The following OTOGL variants were observed in gnomAD, a reference collection of about 807,000 sequenced individuals.
OTOGL encodes the protein otogelin-like protein.
Under a neutral mutation model 318.5 loss-of-function variants are expected in OTOGL, and 285 were observed. The observed-to-expected ratio is 0.89, with a 90% confidence interval of 0.81 to 0.99. OTOGL has a LOEUF of 0.99. Among genes scored for constraint, OTOGL ranks in the 50% least tolerant of loss-of-function variants. The pLI is 0.00. For synonymous variants in OTOGL, 987 were observed against 936.5 expected (o/e 1.05, Z -0.99); for missense variants, 2,899 against 2,845.6 (o/e 1.02, Z -0.43).
Position 80,323,809 on chromosome 12 carries a change from C to T in OTOGL, c.4168C>T (p.Pro1390Ser). The change falls in exon 35 of 59, where the codon CCT becomes TCT. Residue 1390 changes from proline (P) to serine (S), a missense_variant. Pro to Ser is a moderately conservative substitution (Grantham distance 74). Transcript: ENST00000547103. ...ATPCFKTCSDPEALACKFLPP... is the reference protein window; with the variant it reads ...ATPCFKTCSDSEALACKFLPP... ...ACCCTGTTTTAAAACATGTAGTGACCCTGAAGCACTAGCATGTAAATTTCT... is the reference window on the plus strand; with the variant it reads ...ACCCTGTTTTAAAACATGTAGTGACTCTGAAGCACTAGCATGTAAATTTCT... 1 of 1,612,934 alleles carries T rather than the reference C, an allele frequency of 6.2e-7. No individual in the cohort carries two copies. The highest frequency in any genetic ancestry group is 8.5e-7 in the Non-Finnish European group (1 of 1,179,032).
chr12:80,334,521 A>G (rs1319702004), intron 38 of OTOGL, among the ~76,000 whole-genome samples: 1 of 152,114 alleles, frequency 6.6e-6, no homozygotes, highest in Non-Finnish European at 1.5e-5. Flanking sequence ...TGGGTGAGAT[A>G]GTAAAGGGAG....
intron 35 of OTOGL, among the ~76,000 whole-genome samples, chr12:80,324,622 T>C (rs747485731): frequency 2.0e-5 from 3 of 152,136 alleles, no homozygotes; most frequent in African/African-American, 4.8e-5. Flanking sequence ...GAATGGGCTG[T>C]TGGAGGAGAG....
intron 28 of OTOGL, among the ~76,000 whole-genome samples, chr12:80,304,749 A>C (rs1187590781): frequency 6.6e-6 from 1 of 152,136 alleles, no homozygotes; most frequent in Non-Finnish European, 1.5e-5. Flanking sequence ...CAAGAATAGC[A>C]ATATATTTTA....
intron 11 of OTOGL, among the ~76,000 whole-genome samples, chr12:80,249,979 C>G (rs945229175): frequency 6.6e-6 from 1 of 152,012 alleles, no homozygotes; most frequent in African/African-American, 2.4e-5. Flanking sequence ...ACTCCCTGAC[C>G]CCTTGCGCTT....
At chr12:80,217,452 T>C (rs1207633670) in intron 4 of OTOGL, 146 bp from the exon 5 acceptor site, 1 of 633,344 alleles carries the variant, frequency 1.6e-6, no homozygotes, top group Non-Finnish European at 2.7e-6. Flanking sequence ...CTCATGGAGA[T>C]GATAAGCCTC....
chr12:80,166,760 A>G (rs906233730), intron 1 of OTOGL, among the ~76,000 whole-genome samples: 13 of 152,302 alleles, frequency 8.5e-5, no homozygotes, highest in Non-Finnish European at 1.5e-4. Flanking sequence ...ATAGTAGTGG[A>G]ATTCCTAATG....
intron 1 of OTOGL, among the ~76,000 whole-genome samples, chr12:80,119,035 T>C (rs1870334356): frequency 6.6e-6 from 1 of 152,180 alleles, no homozygotes; most frequent in African/African-American, 2.4e-5. Context: ...GAATCACAAT[T>C]TCCTATCTGA....
At chr12:80,187,775 G>A (rs1875393008) in intron 1 of OTOGL, among the ~76,000 whole-genome samples, 1 of 152,202 alleles carries the variant, frequency 6.6e-6, no homozygotes, top group Non-Finnish European at 1.5e-5. Flanking sequence ...ACCTCTTGGA[G>A]GAGGACAGAA....
At chr12:80,138,582 C>T (rs1265588123) in intron 1 of OTOGL, among the ~76,000 whole-genome samples, 1 of 151,926 alleles carries the variant, frequency 6.6e-6, no homozygotes, top group East Asian at 1.9e-4. Flanking sequence ...CTTTTACTGC[C>T]AGTTGCAAGA....
intron 24 of OTOGL, among the ~76,000 whole-genome samples, chr12:80,274,825 A>G (rs1029769011): frequency 6.6e-5 from 10 of 151,830 alleles, no homozygotes; most frequent in Non-Finnish European, 1.2e-4. Flanking sequence ...TGCTAAGTCT[A>G]CTCTACCTGT....
At chr12:80,121,825 T>C (rs1260585023) in intron 1 of OTOGL, among the ~76,000 whole-genome samples, 1 of 152,206 alleles carries the variant, frequency 6.6e-6, no homozygotes, top group Non-Finnish European at 1.5e-5. Flanking sequence ...TTTTATCCTT[T>C]AGTAATCTTA....
chr12:80,127,735 A>C (rs1017580576), intron 1 of OTOGL, among the ~76,000 whole-genome samples: 4 of 152,030 alleles, frequency 2.6e-5, no homozygotes, highest in African/African-American at 9.7e-5. Flanking sequence ...GGCTTTGCTC[A>C]TTTCTTTTTA....
intron 32 of OTOGL, among the ~76,000 whole-genome samples, chr12:80,316,972 G>A (rs1272713879): frequency 6.6e-6 from 1 of 152,102 alleles, no homozygotes; most frequent in Non-Finnish European, 1.5e-5. Context: ...ATAAGTAATT[G>A]TGATTCTGTA....
chr12:80,117,398 T>G (rs1870234154), intron 1 of OTOGL, among the ~76,000 whole-genome samples: 1 of 152,202 alleles, frequency 6.6e-6, no homozygotes, highest in Non-Finnish European at 1.5e-5. Context: ...TAGTAAACTT[T>G]GACTCCTATT....
chr12:80,168,803 G>C (rs1873999597), intron 1 of OTOGL, among the ~76,000 whole-genome samples: 1 of 152,180 alleles, frequency 6.6e-6, no homozygotes, highest in Non-Finnish European at 1.5e-5. Context: ...TAGGAGTTGA[G>C]AAACTAGTTT....
chr12:80,282,570 G>A (rs1017232792), intron 26 of OTOGL, among the ~76,000 whole-genome samples: 11 of 150,576 alleles, frequency 7.3e-5, no homozygotes, highest in Admixed American at 4.0e-4. Context: ...GATTATTTTC[G>A]GAGCCTACGG....
intron 1 of OTOGL, among the ~76,000 whole-genome samples, chr12:80,149,231 T>A (rs555111202): frequency 6.6e-6 from 1 of 152,298 alleles, no homozygotes; most frequent in Admixed American, 6.5e-5. Context: ...GATGGGTTTT[T>A]GGTGTGGATG....
intron 24 of OTOGL, among the ~76,000 whole-genome samples, 168 bp from the exon 25 acceptor site, chr12:80,278,000 G>A (rs984965483): frequency 6.6e-6 from 1 of 151,446 alleles, no homozygotes; most frequent in African/African-American, 2.4e-5. Flanking sequence ...GGTACTATGT[G>A]GAAAAAGCGA....
intron 1 of OTOGL, among the ~76,000 whole-genome samples, chr12:80,178,061 C>CTTTTTTTTTTTTTTTTTTTTT (rs71094968): frequency 4.0e-4 from 30 of 74,922 alleles, no homozygotes; most frequent in African/African-American, 7.5e-4. Context: ...TTCTTTCTTT[C>CTTTTTTTTTTTTTTTTTTTTT]TTTTTTTTTT....
Sources: gnomAD v4.1 joint callset for allele counts (sites outside exome capture counted in the v4.1 genomes callset) on GRCh38, gnomAD v4.1.1 for gene constraint, MANE v1.5 for transcripts, NCBI Gene and HGNC (gene_info 2026-07-23, HGNC 2026-07-21) for gene names.